The following GPC6 variants were observed in gnomAD, a reference collection of about 807,000 sequenced individuals.
GPC6 encodes glypican-6.
GPC6 carries 14 observed loss-of-function variants against 55.2 expected under a neutral mutation model. The ratio of observed to expected loss-of-function variants is 0.25; its 90% CI spans 0.17 to 0.40. GPC6 has a LOEUF of 0.40. Among genes scored for constraint, GPC6 ranks in the 10% least tolerant of loss-of-function variants. The pLI is 1.00. For missense variants in GPC6, 641 were observed against 708.5 expected (o/e 0.90, Z 1.08); for synonymous variants, 278 against 259.6 (o/e 1.07, Z -0.68).
intron 4 of GPC6, among the ~76,000 whole-genome samples, chr13:94,225,688 T>TATAA (rs1290726636): frequency 3.3e-5 from 5 of 149,628 alleles, no homozygotes; most frequent in African/African-American, 1.2e-4. Flanking sequence ...TATATATATA[T>TATAA]AAACTGTATA....
intron 7 of GPC6, among the ~76,000 whole-genome samples, chr13:94,397,928 G>T (rs1160966701): frequency 6.6e-6 from 1 of 152,142 alleles, no homozygotes; most frequent in Non-Finnish European, 1.5e-5. Context: ...GTTACCCCAT[G>T]CTGCTGTTCT....
intron 3 of GPC6, among the ~76,000 whole-genome samples, chr13:93,885,976 G>C (rs143571133): frequency 6.6e-6 from 1 of 151,968 alleles, no homozygotes; most frequent in African/African-American, 2.4e-5. Context: ...TGTAGAGAAG[G>C]CACTGTGTTT....
intron 2 of GPC6, among the ~76,000 whole-genome samples, chr13:93,642,169 G>A (rs937289106): frequency 1.4e-4 from 21 of 152,092 alleles, no homozygotes; most frequent in African/African-American, 4.8e-4. Context: ...GTAATCCCCA[G>A]TATCTATTGT....
At chr13:93,438,976 C>G (rs1877677002) in intron 1 of GPC6, among the ~76,000 whole-genome samples, 1 of 152,110 alleles carries the variant, frequency 6.6e-6, no homozygotes, top group Non-Finnish European at 1.5e-5. Context: ...AATATTGAAG[C>G]AAGATTTTCC....
intron 2 of GPC6, among the ~76,000 whole-genome samples, chr13:93,563,532 G>T (rs1875920205): frequency 1.3e-5 from 2 of 152,056 alleles, no homozygotes; most frequent in African/African-American, 4.8e-5. Context: ...CAGTTTAACA[G>T]GAAATCAGAG....
chr13:93,480,226 T>C (rs1879466132), intron 1 of GPC6, among the ~76,000 whole-genome samples: 2 of 152,230 alleles, frequency 1.3e-5, no homozygotes, highest in Non-Finnish European at 2.9e-5. Context: ...AGGGGAAATA[T>C]GTTTCTTTAA....
At chr13:93,860,350 C>A (rs1428538841) in intron 3 of GPC6, among the ~76,000 whole-genome samples, 1 of 151,604 alleles carries the variant, frequency 6.6e-6, no homozygotes, top group Non-Finnish European at 1.5e-5. Flanking sequence ...TACTTTCATG[C>A]ATTTTTTTAA....
In GPC6 at chr13:94,084,625, G is replaced by GTTTGT. The variant is rs372504160; in HGVS notation, c.877+56736_877+56740dup. On this transcript the variant is annotated intron_variant, in intron 4 of 8. Coordinates refer to ENST00000377047, the MANE Select transcript of GPC6 (RefSeq NM_005708.5). ...AATACACAATACATGGAGGCAATTT[G>GTTTGT]TTTGTTTTGCGTGTCCTGAGTTGAA... Among the ~76,000 whole-genome samples, 559 of 151,890 alleles carry GTTTGT rather than the reference G, an allele frequency of 3.7e-3. 4 individuals carry two copies. The highest frequency in any genetic ancestry group is 0.013 in the African/African-American group (520 of 41,448).
intron 3 of GPC6, among the ~76,000 whole-genome samples, chr13:93,857,416 G>T (rs1332204365): frequency 6.6e-6 from 1 of 151,488 alleles, no homozygotes; most frequent in Non-Finnish European, 1.5e-5. Flanking sequence ...ATTTGATCAG[G>T]TCCTGTCTTG....
In GPC6 at chr13:93,448,042, T is replaced by C. The variant is rs969975563; in HGVS notation, c.161-97221T>C. ...CATAGGGCCAAGGAAACCACACCTA[T>C]GCTGTATACTTTTCTCTGTGTCTTT... On this transcript the variant is annotated intron_variant, in intron 1 of 8. Transcript: ENST00000377047. Among the ~76,000 whole-genome samples the C allele has an allele frequency of 4.6e-5, 7 of 152,194 alleles. No homozygotes were observed. The East Asian group carries it at 1.2e-3, about 25-fold the overall frequency.
At chr13:93,270,104 G>A (rs998035692) in intron 1 of GPC6, among the ~76,000 whole-genome samples, 1 of 151,518 alleles carries the variant, frequency 6.6e-6, no homozygotes, top group Non-Finnish European at 1.5e-5. Flanking sequence ...AAAAAAATTA[G>A]CCAGGCATGG....
intron 4 of GPC6, among the ~76,000 whole-genome samples, chr13:94,221,838 A>G (rs1472122923): frequency 6.6e-6 from 1 of 152,090 alleles, no homozygotes; most frequent in East Asian, 1.9e-4. Flanking sequence ...AAATTGGGTA[A>G]TAGTCAAGGG....
intron 1 of GPC6, among the ~76,000 whole-genome samples, chr13:93,403,391 T>C (rs2762094): frequency 0.96 from 145,734 of 152,240 alleles, 70,074 homozygotes; most frequent in East Asian, 1. Context: ...CCTGAAGCTA[T>C]TCCTTTTCTT....
At chr13:94,099,127 C>T (rs1037791211) in intron 4 of GPC6, among the ~76,000 whole-genome samples, 11 of 152,024 alleles carry the variant, frequency 7.2e-5, no homozygotes, top group Admixed American at 6.6e-4. Flanking sequence ...CATTCTGACC[C>T]ATAAAATATA....
chr13:94,050,617 G>T (rs546232546), intron 4 of GPC6, among the ~76,000 whole-genome samples: 2 of 152,278 alleles, frequency 1.3e-5, no homozygotes, highest in South Asian at 4.1e-4. Context: ...GTTATTGCTA[G>T]ACTCAGACTT....
At chr13:94,122,486 A>G (rs948082990) in intron 4 of GPC6, among the ~76,000 whole-genome samples, 3 of 152,110 alleles carry the variant, frequency 2.0e-5, no homozygotes, top group African/African-American at 7.2e-5. Context: ...GTTAGTAATT[A>G]GGTTGGATGA....
chr13:93,785,541 A>C (rs1885793203), intron 2 of GPC6, among the ~76,000 whole-genome samples: 2 of 152,220 alleles, frequency 1.3e-5, no homozygotes, highest in Admixed American at 1.3e-4. Flanking sequence ...AATTTCGTAG[A>C]TAGCTGGAGA....
intron 1 of GPC6, among the ~76,000 whole-genome samples, chr13:93,330,695 C>A (rs1383176592): frequency 6.6e-6 from 1 of 152,160 alleles, no homozygotes; most frequent in Non-Finnish European, 1.5e-5. Context: ...AGTGGCTGAT[C>A]TCGATTCTAT....
intron 3 of GPC6, among the ~76,000 whole-genome samples, chr13:93,872,833 TTG>T (rs549113149): frequency 3.6e-4 from 55 of 152,012 alleles, no homozygotes; most frequent in Middle Eastern, 3.2e-3. Context: ...TAGAAATGAT[TTG>T]TGTTTGTTTC....
Sources: allele counts gnomAD v4.1 joint callset (sites outside exome capture counted in the v4.1 genomes callset), GRCh38; gene constraint gnomAD v4.1.1; transcripts MANE v1.5; gene names NCBI Gene and HGNC (gene_info 2026-07-23, HGNC 2026-07-21).